RYR2: variants seen among roughly 807,000 people sequenced by gnomAD.
The protein encoded by RYR2 is cardiac muscle ryanodine receptor-calcium release channel.
A neutral mutation model predicts 601.1 loss-of-function variants in RYR2; 227 were observed. The ratio of observed to expected loss-of-function variants is 0.38; its 90% confidence interval spans 0.34 to 0.42. The LOEUF is 0.42. RYR2 is among the 10% of genes least tolerant of loss of function. The probability of loss-of-function intolerance (pLI) is 1.00; values close to 1 mark genes in which losing one functional copy is unlikely to be tolerated. For missense variants in RYR2, 4,646 were observed against 6,156.5 expected, an observed-to-expected ratio of 0.75 and a Z score of 8.21; for synonymous variants, 2,223 against 2,175.1, an observed-to-expected ratio of 1.02 and a Z score of -0.61.
At chr1:237,510,902 C>G (rs993369865) in intron 23 of RYR2, among the ~76,000 whole-genome samples, 1 of 152,136 alleles carries the variant, frequency 6.6e-6, no homozygotes, top group Non-Finnish European at 1.5e-5. Context: ...TAAAAACCAC[C>G]TGCATATGAT....
intron 12 of RYR2, among the ~76,000 whole-genome samples, chr1:237,425,891 C>T (rs150296661): frequency 1.2e-3 from 183 of 152,080 alleles, no homozygotes; most frequent in African/African-American, 3.8e-3. Context: ...TGGTGTTCTG[C>T]TTTCATTTGA....
intron 1 of RYR2, among the ~76,000 whole-genome samples, chr1:237,170,454 C>T (rs1027878968): frequency 6.6e-6 from 1 of 152,198 alleles, no homozygotes; most frequent in Admixed American, 6.5e-5. Flanking sequence ...CTGTGACCCT[C>T]CTCCGTCTCT....
intron 42 of RYR2, 72 bp downstream of exon 42, chr1:237,631,613 A>AATTTTTTTTTTTTTTTTTTTTTT: frequency 5.2e-6 from 1 of 191,282 alleles, no homozygotes; most frequent in African/African-American, 6.8e-5. Context: ...TAGAATGCAG[A>AATTTTTTTTTTTTTTTTTTTTTT]TTTTTTTTTT....
At chr1:237,136,727 CT>C (rs1224524467) in intron 1 of RYR2, among the ~76,000 whole-genome samples, 4 of 152,012 alleles carry the variant, frequency 2.6e-5, no homozygotes, top group Non-Finnish European at 5.9e-5. Context: ...AAAAAAGATG[CT>C]GAGCAGGCTG....
chr1:237,475,581 T>C (rs1364547878), intron 17 of RYR2, among the ~76,000 whole-genome samples: 1 of 152,208 alleles, frequency 6.6e-6, no homozygotes, highest in Non-Finnish European at 1.5e-5. Flanking sequence ...GCAAAAATTA[T>C]ACAGAGACAC....
intron 29 of RYR2, among the ~76,000 whole-genome samples, chr1:237,580,158 T>C (rs960213992): frequency 5.6e-5 from 8 of 142,778 alleles, no homozygotes; most frequent in Non-Finnish European, 1.1e-4. Flanking sequence ...AACAATTCTT[T>C]TTTTTTTTTT....
intron 1 of RYR2, among the ~76,000 whole-genome samples, chr1:237,091,793 C>T (rs1329396365): frequency 6.6e-6 from 1 of 152,154 alleles, no homozygotes; most frequent in Non-Finnish European, 1.5e-5. Context: ...CCTCTGAGTC[C>T]TATCCTTGCC....
At chr1:237,214,668 A>G (rs1337056178) in intron 1 of RYR2, among the ~76,000 whole-genome samples, 1 of 152,168 alleles carries the variant, frequency 6.6e-6, no homozygotes. Context: ...TATCCTAACT[A>G]TATCATATAT....
chr1:237,073,171 G>A (rs2148339522), intron 1 of RYR2, among the ~76,000 whole-genome samples: 1 of 152,300 alleles, frequency 6.6e-6, no homozygotes, highest in African/African-American at 2.4e-5. Context: ...GGAGTCTTTA[G>A]TTGATTGACT....
At chr1:237,528,592 GGAA>G (rs1241356171) in intron 24 of RYR2, among the ~76,000 whole-genome samples, 2 of 152,126 alleles carry the variant, frequency 1.3e-5, no homozygotes, top group African/African-American at 4.8e-5. Flanking sequence ...GTTTGCATTG[GGAA>G]GAAGATTATG....
At chr1:237,127,506 C>T (rs1193866456) in intron 1 of RYR2, among the ~76,000 whole-genome samples, 41 of 150,822 alleles carry the variant, frequency 2.7e-4, no homozygotes, top group Admixed American at 1.3e-3. Context: ...GCTGGCCGGG[C>T]GGGGGGCTGA....
intron 1 of RYR2, among the ~76,000 whole-genome samples, chr1:237,232,214 T>G (rs923086183): frequency 1.3e-5 from 2 of 152,162 alleles, no homozygotes; most frequent in African/African-American, 4.8e-5. Context: ...TTACTTCTGG[T>G]CACCTAAAGG....
intron 24 of RYR2, among the ~76,000 whole-genome samples, chr1:237,527,786 ACTGTAAACG>A (rs57698547): frequency 0.24 from 36,622 of 151,972 alleles, 4,781 homozygotes; most frequent in South Asian, 0.4. Context: ...CTCCTATCAG[ACTGTAAACG>A]CTGTCAAGAG....
Position 237,270,362 on chromosome 1 carries a change from T to C in RYR2, c.49-135T>C, listed in dbSNP as rs749406880. 26 of 1,285,400 alleles carry C rather than the reference T, an allele frequency of 2.0e-5. No homozygotes were observed. The South Asian group carries it at 3.3e-4, about 16-fold the overall frequency. The allele number at this position is 1,285,400 out of a possible 1,614,324, so 79.6% of individuals were successfully genotyped here. On this transcript the variant is annotated intron_variant, in intron 1 of 104. Transcript: ENST00000366574. ...ATTCCGTAGGGGTTTCTTTTGGTTGTTTTTTTGACAGTAGTTTTTACATTC... is the reference window on the plus strand; with the variant it reads ...ATTCCGTAGGGGTTTCTTTTGGTTGCTTTTTTGACAGTAGTTTTTACATTC...
At chr1:237,074,158 A>T (rs902388276) in intron 1 of RYR2, among the ~76,000 whole-genome samples, 2 of 152,010 alleles carry the variant, frequency 1.3e-5, no homozygotes, top group Non-Finnish European at 2.9e-5. Context: ...CTCTAAAAAA[A>T]TGAAAATAAA....
chr1:237,234,930 A>G (rs1444935868), intron 1 of RYR2, among the ~76,000 whole-genome samples: 2 of 151,982 alleles, frequency 1.3e-5, no homozygotes, highest in African/African-American at 4.8e-5. Flanking sequence ...TAAAGTAGCT[A>G]ATGGATGGTG....
intron 1 of RYR2, among the ~76,000 whole-genome samples, chr1:237,115,269 C>A (rs1669933107): frequency 6.6e-6 from 1 of 152,130 alleles, no homozygotes; most frequent in Non-Finnish European, 1.5e-5. Flanking sequence ...GTTGGCAGCC[C>A]CTGCTCTTGG....
At chr1:237,638,326 G>A in intron 44 of RYR2, 31 bp from the exon 45 acceptor site, 1 of 1,613,518 alleles carries the variant, frequency 6.2e-7, no homozygotes, top group African/African-American at 1.3e-5. Context: ...TCAGCCAAGG[G>A]ATAACTCTTT....
intron 98 of RYR2, among the ~76,000 whole-genome samples, chr1:237,804,729 A>C (rs756631006): frequency 1.3e-5 from 2 of 152,200 alleles, no homozygotes; most frequent in Non-Finnish European, 2.9e-5. Flanking sequence ...GGTTTCTCCT[A>C]GACTTACTGT....
Sources: allele counts gnomAD v4.1 joint callset (sites outside exome capture counted in the v4.1 genomes callset), GRCh38; gene constraint gnomAD v4.1.1; transcripts MANE v1.5; gene names NCBI Gene and HGNC (gene_info 2026-07-23, HGNC 2026-07-21).